Variants in ACOX3 observed in about 807,000 individuals in gnomAD.
The protein encoded by ACOX3 is peroxisomal acyl-coenzyme A oxidase 3.
A neutral mutation model predicts 81.5 loss-of-function variants in ACOX3; 73 were observed. The observed-to-expected ratio is 0.90, with a 90% CI of 0.74 to 1.09. ACOX3 has a LOEUF of 1.09. Among genes scored for constraint, ACOX3 ranks in the 50% least tolerant of loss-of-function variants. ACOX3 has a pLI of 0.00. For synonymous variants in ACOX3, 387 were observed against 375.1 expected, an observed-to-expected ratio of 1.03 and a Z score of -0.37; for missense variants, 947 against 928.0, an observed-to-expected ratio of 1.02 and a Z score of -0.27.
chr4:8,429,933 C>G (rs1286054087), intron 1 of ACOX3, among the ~76,000 whole-genome samples: 1 of 150,908 alleles, frequency 6.6e-6, no homozygotes, highest in African/African-American at 2.4e-5. Flanking sequence ...GTGAAAAAAG[C>G]ACAAGGAAAA....
intron 14 of ACOX3, among the ~76,000 whole-genome samples, chr4:8,379,328 A>G (rs1717352440): frequency 6.6e-6 from 1 of 152,112 alleles, no homozygotes. Flanking sequence ...CTCAGCTATC[A>G]CAAATGTCCC....
At chr4:8,373,662 G>T (rs1716555601) in intron 15 of ACOX3, 34 bp from the exon 16 acceptor site, 1 of 1,595,622 alleles carries the variant, frequency 6.3e-7, no homozygotes, top group African/African-American at 1.3e-5. Context: ...TGGGGGCTGG[G>T]TCCAGTCCAA....
At chr4:8,398,971 T>C (rs1389990097) in intron 8 of ACOX3, among the ~76,000 whole-genome samples, 1 of 152,200 alleles carries the variant, frequency 6.6e-6, no homozygotes, top group Admixed American at 6.5e-5. Context: ...GCACCCTGTG[T>C]GTCTCTGGGC....
At chr4:8,356,924 T>G in the ACOX3 span, 1 of 453,596 alleles carries the variant, frequency 2.2e-6, no homozygotes, top group Admixed American at 2.4e-5. Flanking sequence ...ACTAACATGA[T>G]CCCAGCAGGC....
intron 11 of ACOX3, 152 bp downstream of exon 11, chr4:8,392,181 G>C (rs1719073606): frequency 3.1e-6 from 3 of 970,192 alleles, no homozygotes; most frequent in East Asian, 2.9e-5. Context: ...CAAATGAACG[G>C]GGGTGGCTGG....
chr4:8,392,571 G>C, intron 10 of ACOX3, 118 bp from the exon 11 acceptor site: 1 of 1,151,292 alleles, frequency 8.7e-7, no homozygotes, highest in African/African-American at 1.6e-5. Flanking sequence ...AAGACATCCC[G>C]AAAATGACAG....
At chr4:8,374,598 CT>C (rs1716682945) in intron 15 of ACOX3, 1 of 194,146 alleles carries the variant, frequency 5.2e-6, no homozygotes, top group Non-Finnish European at 1.0e-5. Flanking sequence ...CCAGCACCCC[CT>C]CCTCCAGGAA....
Position 8,399,286 on chromosome 4 carries a change from G to A in ACOX3, c.873+270C>T, listed in dbSNP as rs73087781. Reference sequence around the variant, plus strand: ...TCCTCAGGGAAGCATCACTGGAAGCGAGCAGTCCTCTAATCGCAGCCCCCG... The same window carrying A: ...TCCTCAGGGAAGCATCACTGGAAGCAAGCAGTCCTCTAATCGCAGCCCCCG... On this transcript the variant is annotated intron_variant, in intron 8 of 17. Coordinates refer to ENST00000356406, the MANE Select transcript of ACOX3 (RefSeq NM_003501.3). This position sits in a 1 kb window ranked among gnomAD's most constrained non-coding sequence, Gnocchi z 4.9. Among the ~76,000 whole-genome samples, 3,828 of 152,268 alleles carry A rather than the reference G, an allele frequency of 0.025. 153 individuals are homozygous for A. The highest frequency in any genetic ancestry group is 0.086 in the African/African-American group (3,579 of 41,526).
At chr4:8,373,798 G>A in intron 15 of ACOX3, 170 bp from the exon 16 acceptor site, 2 of 636,402 alleles carry the variant, frequency 3.1e-6, no homozygotes, top group Non-Finnish European at 5.6e-6. Context: ...GGAATGTGCT[G>A]CTCAGGGGCC....
rs904304322 is a variant in ACOX3, at chr4:8,385,278, A to T, written c.1538-3671T>A. Among the ~76,000 whole-genome samples, 84 of 151,570 alleles carry T rather than the reference A, an allele frequency of 5.5e-4. 1 individual carries two copies. Among genetic ancestry groups the T allele is most frequent in the African/African-American group, 1.9e-3 (80 of 41,196 alleles). Reference sequence around the variant, plus strand: ...CTCACATGACCTCACCATGCACTCCACGTGACCTCACCGCTCCCCCACGTG... The same window carrying T: ...CTCACATGACCTCACCATGCACTCCTCGTGACCTCACCGCTCCCCCACGTG... On this transcript the variant is annotated intron_variant, in intron 13 of 17. Transcript: ENST00000356406. The surrounding 1 kb of genome is among the most constrained non-coding windows in gnomAD (Gnocchi z 5.5).
Position 8,414,223 on chromosome 4 carries a change from CA to C in ACOX3, c.543+68del. On this transcript the variant is annotated intron_variant, in intron 5 of 17. Transcript: ENST00000356406. This position sits in a 1 kb window ranked among gnomAD's most constrained non-coding sequence, Gnocchi z 6.1. Reference sequence around the variant, plus strand: ...AATGTTTTTTTTTTCTTATTCTGGGCAACGGCATTTGCACTCATGACGTCTC... The same window carrying C: ...AATGTTTTTTTTTTCTTATTCTGGGCACGGCATTTGCACTCATGACGTCTC... 1 of 1,319,200 alleles carries C rather than the reference CA, an allele frequency of 7.6e-7. No individual in the cohort carries two copies. The highest frequency in any genetic ancestry group is 1.2e-5 in the South Asian group (1 of 81,462). 81.7% of individuals were successfully genotyped at this position (1,319,200 alleles called of 1,614,324 possible). A position where few individuals can be genotyped will look rare whatever the true frequency, so the allele number is the denominator to read the frequency against.
At position 8,394,876 on chromosome 4, in the gene ACOX3, G is replaced by C. The variant is rs917940693; in HGVS notation, c.1057-134C>G. The C allele has an allele frequency of 1.2e-5, 15 of 1,217,340 alleles. No individual in the cohort carries two copies. The highest frequency in any genetic ancestry group is 1.1e-4 in the South Asian group (7 of 63,106). 75.4% of individuals were successfully genotyped at this position (1,217,340 alleles called of 1,614,324 possible). On this transcript the variant is annotated intron_variant, in intron 9 of 17. Coordinates refer to ENST00000356406, the MANE Select transcript of ACOX3 (RefSeq NM_003501.3). This position sits in a 1 kb window ranked among gnomAD's most constrained non-coding sequence, Gnocchi z 5.9. ...CCACTAGCGCTGAAGGTCTTCACAT[G>C]TCTTCCCGGCACATCAGAAAGCCTT...
rs190985666 is a variant in ACOX3 at position 8,382,940 on chromosome 4, G to A, written c.1538-1333C>T. Among the ~76,000 whole-genome samples, 120 of 143,808 alleles carry A rather than the reference G, an allele frequency of 8.3e-4. No individual in the cohort carries two copies. The East Asian group carries it at 0.022, about 26-fold the overall frequency. The allele number at this position is 143,808 out of a possible 152,430, so 94.3% of individuals were successfully genotyped here. A position where few individuals can be genotyped will look rare whatever the true frequency, so the allele number is the denominator to read the frequency against. On this transcript the variant is annotated intron_variant, in intron 13 of 17. Transcript: ENST00000356406. This position sits in a 1 kb window ranked among gnomAD's most constrained non-coding sequence, Gnocchi z 4.1. Reference sequence around the variant, plus strand: ...CCGGGAGGCGGAGTTGCAGTGAGCCGAGATCGCGCCACTGCACTCCAGCCT... The same window carrying A: ...CCGGGAGGCGGAGTTGCAGTGAGCCAAGATCGCGCCACTGCACTCCAGCCT...
chr4:8,416,123 A>G lies in ACOX3; in HGVS notation c.145-124T>C. The G allele has an allele frequency of 2.8e-6, 3 of 1,057,252 alleles. No individual in the cohort carries two copies. Among genetic ancestry groups the G allele is most frequent in the Non-Finnish European group, 4.2e-6 (3 of 718,482 alleles). 65.5% of individuals were successfully genotyped at this position (1,057,252 alleles called of 1,614,324 possible). A position where few individuals can be genotyped will look rare whatever the true frequency, so the allele number is the denominator to read the frequency against. Reference sequence around the variant, plus strand: ...CACAGTCTGACCCGGAGACACCCAGACAGAGATATGACTATCATTCCCAAT... The same window carrying G: ...CACAGTCTGACCCGGAGACACCCAGGCAGAGATATGACTATCATTCCCAAT... On this transcript the variant is annotated intron_variant, in intron 2 of 17. Transcript: ENST00000356406. This position sits in a 1 kb window ranked among gnomAD's most constrained non-coding sequence, Gnocchi z 4.2.
Position 8,405,912 on chromosome 4 carries a change from G to A in ACOX3, c.776+43C>T. The A allele has an allele frequency of 1.3e-6, 2 of 1,575,706 alleles. No homozygotes were observed. Among genetic ancestry groups the A allele is most frequent in the Non-Finnish European group, 1.7e-6 (2 of 1,145,218 alleles). ...AGACATGAGCGACAACGCAGCCTGG[G>A]CCTTGGCAGGAAGCTCAGGGCTCAG... On this transcript the variant is annotated intron_variant, in intron 7 of 17. Transcript: ENST00000356406. This position sits in a 1 kb window ranked among gnomAD's most constrained non-coding sequence, Gnocchi z 7.1.
chr4:8,416,352 A>G lies in ACOX3; in HGVS notation c.144+26T>C. 6 of 1,613,992 alleles carry G rather than the reference A, an allele frequency of 3.7e-6. No homozygotes were observed. Among genetic ancestry groups the G allele is most frequent in the Non-Finnish European group, 5.1e-6 (6 of 1,180,010 alleles). On this transcript the variant is annotated intron_variant, in intron 2 of 17. Coordinates refer to ENST00000356406, the MANE Select transcript of ACOX3 (RefSeq NM_003501.3). This position sits in a 1 kb window ranked among gnomAD's most constrained non-coding sequence, Gnocchi z 4.2. ...CTAAGACCCCACTGGGAAAAAAGAC[A>G]AGCTGCGCACAACCGCACGCCTCAC...
the ACOX3 span, chr4:8,355,310 G>A: frequency 6.6e-6 from 1 of 152,134 alleles, no homozygotes; most frequent in South Asian, 2.1e-4. Flanking sequence ...AGACATTTTT[G>A]GAAAAGATGA....
At chr4:8,376,366 G>C (rs1716964248) in intron 14 of ACOX3, among the ~76,000 whole-genome samples, 1 of 146,358 alleles carries the variant, frequency 6.8e-6, no homozygotes, top group Non-Finnish European at 1.5e-5. Flanking sequence ...AAAAAATCCA[G>C]CCAAGTGATG....
chr4:8,382,915 C>T lies in ACOX3; in HGVS notation c.1538-1308G>A, dbSNP rs1431463310. On this transcript the variant is annotated intron_variant, in intron 13 of 17. Coordinates refer to ENST00000356406, the MANE Select transcript of ACOX3 (RefSeq NM_003501.3). This position sits in a 1 kb window ranked among gnomAD's most constrained non-coding sequence, Gnocchi z 4.1. ...GCTGAGGCAGGAGAATGGCGTGAACCCGGGAGGCGGAGTTGCAGTGAGCCG... is the reference window on the plus strand; with the variant it reads ...GCTGAGGCAGGAGAATGGCGTGAACTCGGGAGGCGGAGTTGCAGTGAGCCG... Among the ~76,000 whole-genome samples, 2 of 150,864 alleles carry T rather than the reference C, an allele frequency of 1.3e-5. No homozygotes were observed. Among genetic ancestry groups the T allele is most frequent in the Non-Finnish European group, 2.9e-5 (2 of 67,854 alleles).
Sources: gnomAD v4.1 joint callset for allele counts (sites outside exome capture counted in the v4.1 genomes callset) on GRCh38, gnomAD v4.1.1 for gene constraint, Gnocchi (gnomAD v3.1) non-coding constraint, MANE v1.5 for transcripts, NCBI Gene and HGNC (gene_info 2026-07-23, HGNC 2026-07-21) for gene names.